Variants in ANKRD62 observed in about 807,000 individuals in gnomAD.
The protein encoded by ANKRD62 is ankyrin repeat domain 62.
In ANKRD62, 61 loss-of-function variants were observed where a neutral mutation model predicts 98.8. The ratio of observed to expected loss-of-function variants is 0.62; its 90% CI spans 0.50 to 0.76. The LOEUF is 0.76. Among genes scored for constraint, ANKRD62 ranks in the 30% least tolerant of loss-of-function variants. ANKRD62 has a pLI of 0.00. For missense variants in ANKRD62, 933 were observed against 1,082.9 expected, an observed-to-expected ratio of 0.86 and a Z score of 1.94; for synonymous variants, 341 against 367.9, an observed-to-expected ratio of 0.93 and a Z score of 0.84.
chr18:12,168,352 T>C, the ANKRD62 span, among the ~76,000 whole-genome samples: 1 of 152,162 alleles, frequency 6.6e-6, no homozygotes, highest in Admixed American at 6.5e-5. Flanking sequence ...TTTCTACATA[T>C]GGCTAGCCAG....
At chr18:12,136,620 T>A in the ANKRD62 span, among the ~76,000 whole-genome samples, 2 of 152,202 alleles carry the variant, frequency 1.3e-5, no homozygotes, top group Non-Finnish European at 2.9e-5. Context: ...ATTGAATCTA[T>A]AAATTACCTT....
At position 12,094,101 on chromosome 18, in the gene ANKRD62, A is replaced by G. The variant is rs1283347799; in HGVS notation, c.84A>G (p.Ser28=). 6.5e-7 allele frequency: 1 copy of G among 1,534,680 alleles called. No homozygotes were observed. The highest frequency in any genetic ancestry group is 1.4e-5 in the African/African-American group (1 of 72,698). ...WRKNRDKDGF[S]NPGYRVRQKD... ...AGAATCGTGACAAGGATGGCTTCTCAAATCCCGGGTACCGAGTCCGGCAGA... is the reference window on the plus strand; with the variant it reads ...AGAATCGTGACAAGGATGGCTTCTCGAATCCCGGGTACCGAGTCCGGCAGA... Residue 28 remains serine (S), a synonymous_variant, in exon 1 of 14, where the codon TCA becomes TCG. Coordinates refer to ENST00000587848, the MANE Select transcript of ANKRD62 (RefSeq NM_001277333.2).
At chr18:12,156,186 T>C in the ANKRD62 span, among the ~76,000 whole-genome samples, 2 of 151,284 alleles carry the variant, frequency 1.3e-5, no homozygotes, top group Non-Finnish European at 2.9e-5. Context: ...TCCTGAGGCC[T>C]GACTAGAAGC....
chr18:12,122,347 G>A lies in ANKRD62; in HGVS notation c.1285G>A (p.Gly429Arg). 1 of 1,535,190 alleles carries A rather than the reference G, an allele frequency of 6.5e-7. No individual in the cohort carries two copies. The highest frequency in any genetic ancestry group is 8.7e-7 in the Non-Finnish European group (1 of 1,146,612). ...AAGCAAGAATGCAACAGCTGCATGT[G>A]GAAGATCAATAGAGGATCAAAAATG... Reference protein sequence around the residue: ...SKSKNATAACGRSIEDQKCYC... With the variant: ...SKSKNATAACRRSIEDQKCYC... The change falls in exon 11 of 14, where the codon GGA (glycine) becomes AGA (arginine). Residue 429 changes from glycine (G) to arginine (R), a missense_variant. Coordinates refer to ENST00000587848, the MANE Select transcript of ANKRD62 (RefSeq NM_001277333.2).
chr18:12,151,689 G>A, the ANKRD62 span, among the ~76,000 whole-genome samples: 252 of 152,220 alleles, frequency 1.7e-3, no homozygotes, highest in African/African-American at 4.4e-3. Context: ...CTCACAGCTC[G>A]CAGAAGACAA....
chr18:12,174,361 CT>C, the ANKRD62 span, among the ~76,000 whole-genome samples: 6 of 152,246 alleles, frequency 3.9e-5, no homozygotes, highest in Non-Finnish European at 8.8e-5. Context: ...CAGTTACATT[CT>C]TTTCTATACT....
At chr18:12,095,313 G>A (rs1472766061) in intron 2 of ANKRD62, 28 bp downstream of exon 2, 4 of 1,534,508 alleles carry the variant, frequency 2.6e-6, no homozygotes, top group Non-Finnish European at 3.5e-6. Context: ...CTTTCAGCAT[G>A]GGATGGATTT....
chr18:12,127,747 G>C lies in ANKRD62; in HGVS notation c.2563-1G>C. On this transcript the variant is annotated splice_acceptor_variant, in intron 13 of 13. Coordinates refer to ENST00000587848, the MANE Select transcript of ANKRD62 (RefSeq NM_001277333.2). LOFTEE classifies it high-confidence loss of function. ...CAGTAACAAAAATAACATCTTACCA[G>C]GTAGTCAGGAGACAGCTTCAACGAG... The C allele has an allele frequency of 1.4e-6, 2 of 1,390,038 alleles. No individual in the cohort carries two copies. The highest frequency in any genetic ancestry group is 1.9e-6 in the Non-Finnish European group (2 of 1,077,896). 86.1% of individuals were successfully genotyped at this position (1,390,038 alleles called of 1,614,324 possible). A position where few individuals can be genotyped will look rare whatever the true frequency, so the allele number is the denominator to read the frequency against.
chr18:12,126,334 T>G lies in ANKRD62; in HGVS notation c.2513T>G (p.Leu838Arg), dbSNP rs1303443172. The change falls in exon 13 of 14, where the codon CTT (leucine) becomes CGT (arginine). Residue 838 changes from leucine (L) to arginine (R), a missense_variant. Leu to Arg is a moderately radical substitution (Grantham distance 102). Transcript: ENST00000587848. ...NNKGLMKECTLLKERQCQYEK... is the reference protein window; with the variant it reads ...NNKGLMKECTRLKERQCQYEK... ...AAGGGGTTGATGAAGGAATGCACTC[T>G]TTTAAAAGAAAGACAATGCCAATAT... 1 of 1,523,590 alleles carries G rather than the reference T, an allele frequency of 6.6e-7. No homozygotes were observed. The highest frequency in any genetic ancestry group is 8.7e-7 in the Non-Finnish European group (1 of 1,143,050). The allele number at this position is 1,523,590 out of a possible 1,614,324, so 94.4% of individuals were successfully genotyped here.
chr18:12,166,231 C>T, the ANKRD62 span, among the ~76,000 whole-genome samples: 2 of 152,062 alleles, frequency 1.3e-5, no homozygotes, highest in Non-Finnish European at 2.9e-5. Flanking sequence ...ACTTTCTACC[C>T]TATCTGTTTC....
chr18:12,126,346 G>A lies in ANKRD62; in HGVS notation c.2525G>A (p.Arg842Lys). 6.6e-7 allele frequency: 1 copy of A among 1,517,190 alleles called. No individual in the cohort carries two copies. Among genetic ancestry groups the A allele is most frequent in the Non-Finnish European group, 8.8e-7 (1 of 1,140,448 alleles). 94.0% of individuals were successfully genotyped at this position (1,517,190 alleles called of 1,614,324 possible). A position where few individuals can be genotyped will look rare whatever the true frequency, so the allele number is the denominator to read the frequency against. The change falls in exon 13 of 14, where the codon AGA (arginine) becomes AAA (lysine). Residue 842 changes from arginine to lysine, a missense_variant. Arg to Lys is a conservative substitution (Grantham distance 26). Around this residue, in one of 3 missense-constraint regions of ANKRD62, gnomAD observed 362 missense variants for 434.5 expected, o/e 0.83. Transcript: ENST00000587848. The stretch of plus-strand genomic sequence containing the variant: ...AAGGAATGCACTCTTTTAAAAGAAA[G>A]ACAATGCCAATATGAAAAAGAGAAA... The part of the protein sequence containing the change: ...LMKECTLLKE[R>K]QCQYEKEKEE...
At chr18:12,145,994 T>C in the ANKRD62 span, among the ~76,000 whole-genome samples, 1 of 151,354 alleles carries the variant, frequency 6.6e-6, no homozygotes, top group South Asian at 2.1e-4. Context: ...ATCTTAAACC[T>C]TGCTCTGTGG....
chr18:12,176,857 ACT>A, the ANKRD62 span, among the ~76,000 whole-genome samples: 1 of 112,828 alleles, frequency 8.9e-6, no homozygotes, highest in Admixed American at 1.0e-4. Flanking sequence ...TATTATGATG[ACT>A]CTTCATTGTC....
intron 12 of ANKRD62, among the ~76,000 whole-genome samples, chr18:12,124,658 T>C (rs563384745): frequency 6.6e-6 from 1 of 152,158 alleles, no homozygotes; most frequent in South Asian, 2.1e-4. Flanking sequence ...ATAAAAGTTA[T>C]CATAATAGTA....
chr18:12,124,892 G>A (rs1909855453), intron 12 of ANKRD62, among the ~76,000 whole-genome samples: 1 of 152,086 alleles, frequency 6.6e-6, no homozygotes, highest in Non-Finnish European at 1.5e-5. Flanking sequence ...ATTTATTGAT[G>A]TATGCATACA....
At chr18:12,123,784 T>G (rs915471072) in intron 11 of ANKRD62, among the ~76,000 whole-genome samples, 2 of 152,198 alleles carry the variant, frequency 1.3e-5, no homozygotes, top group South Asian at 4.1e-4. Context: ...TTATAAAAAA[T>G]AACTTTTTTT....
chr18:12,146,402 C>T, the ANKRD62 span, among the ~76,000 whole-genome samples: 2 of 152,192 alleles, frequency 1.3e-5, no homozygotes, highest in Admixed American at 6.5e-5. Context: ...AGACCCCCAG[C>T]ACAGCACACT....
chr18:12,123,376 G>A (rs1415158862), intron 11 of ANKRD62, among the ~76,000 whole-genome samples: 3 of 152,052 alleles, frequency 2.0e-5, no homozygotes, highest in South Asian at 2.1e-4. Flanking sequence ...AATATGCAGC[G>A]AATGAAAAGT....
intron 10 of ANKRD62, among the ~76,000 whole-genome samples, chr18:12,119,346 CTTTTTTT>C (rs56255574): frequency 7.5e-6 from 1 of 132,532 alleles, no homozygotes; most frequent in East Asian, 2.1e-4. Flanking sequence ...TGATCTTCTT[CTTTTTTT>C]TTTTTTTTTT....
Sources: allele counts gnomAD v4.1 joint callset (sites outside exome capture counted in the v4.1 genomes callset), GRCh38; gene constraint gnomAD v4.1.1; regional missense constraint gnomAD v4.1.1; transcripts MANE v1.5; gene names NCBI Gene and HGNC (gene_info 2026-07-23, HGNC 2026-07-21).